CAST: variants seen among roughly 807,000 people sequenced by gnomAD.
The protein encoded by CAST is calpastatin.
A neutral mutation model predicts 119.6 loss-of-function variants in CAST; 76 were observed. The ratio of observed to expected loss-of-function variants is 0.64; its 90% CI spans 0.53 to 0.77. CAST has a LOEUF of 0.77. CAST is among the 30% of genes least tolerant of loss of function. The probability of loss-of-function intolerance (pLI) is 0.00; values close to 1 mark genes in which losing one functional copy is unlikely to be tolerated. For missense variants in CAST, 953 were observed against 946.5 expected (o/e 1.01, Z -0.09); for synonymous variants, 319 against 331.6 (o/e 0.96, Z 0.41).
chr5:96,222,053 C>T, the CAST span, among the ~76,000 whole-genome samples: 4 of 152,032 alleles, frequency 2.6e-5, no homozygotes, highest in Admixed American at 1.3e-4. Flanking sequence ...ATTAGATATC[C>T]ATATGCAGAA....
At chr5:96,698,166 C>T (rs62364719) in intron 3 of CAST, among the ~76,000 whole-genome samples, 40,688 of 152,004 alleles carry the variant, frequency 0.27, 6,230 homozygotes, top group Non-Finnish European at 0.36. Context: ...TTTTCTTGAA[C>T]GTAATCATAA....
intron 7 of CAST, 128 bp downstream of exon 7, chr5:96,729,337 G>C (rs1430655731): frequency 1.6e-6 from 1 of 635,860 alleles, no homozygotes; most frequent in African/African-American, 1.9e-5. Context: ...CAGCTAAAAT[G>C]GTGCCATCCT....
At chr5:96,354,440 G>A in the CAST span, among the ~76,000 whole-genome samples, 951 of 152,026 alleles carry the variant, frequency 6.3e-3, 16 homozygotes, top group African/African-American at 0.021. Flanking sequence ...GGTATTGACC[G>A]CATTTCATTA....
the CAST span, among the ~76,000 whole-genome samples, chr5:96,103,152 C>T: frequency 2.6e-5 from 4 of 152,042 alleles, no homozygotes; most frequent in Non-Finnish European, 5.9e-5. Context: ...GAAATATTTT[C>T]AGATATGTTA....
At chr5:96,436,562 CT>C in the CAST span, among the ~76,000 whole-genome samples, 1 of 152,034 alleles carries the variant, frequency 6.6e-6, no homozygotes, top group African/African-American at 2.4e-5. Flanking sequence ...GTCAATGAAA[CT>C]TTTTTGCAAA....
intron 3 of CAST, among the ~76,000 whole-genome samples, chr5:96,711,465 T>C: frequency 6.6e-6 from 1 of 152,124 alleles, no homozygotes; most frequent in East Asian, 1.9e-4. Context: ...AACAAATAAA[T>C]TTAACATTTA....
chr5:96,743,725 A>C (rs749213529), intron 16 of CAST: 3 of 1,606,914 alleles, frequency 1.9e-6, no homozygotes, highest in Non-Finnish European at 2.6e-6. Context: ...CAAGAGAAGC[A>C]GTTCGTATCT....
the CAST span, among the ~76,000 whole-genome samples, chr5:96,384,044 G>A: frequency 2.4e-4 from 37 of 152,214 alleles, 1 homozygote; most frequent in East Asian, 5.6e-3. Context: ...ATGGATACTG[G>A]ATATGGGAAG....
the CAST span, among the ~76,000 whole-genome samples, chr5:96,085,808 C>T: frequency 6.6e-6 from 1 of 152,148 alleles, no homozygotes; most frequent in Admixed American, 6.5e-5. Flanking sequence ...GATCAGCTAC[C>T]GACTTTTTAG....
chr5:96,224,368 C>T, the CAST span, among the ~76,000 whole-genome samples: 1 of 152,020 alleles, frequency 6.6e-6, no homozygotes, highest in Non-Finnish European at 1.5e-5. Flanking sequence ...TAAATATTAC[C>T]TTTTAAGGAA....
chr5:96,491,899 A>T, the CAST span, among the ~76,000 whole-genome samples: 2 of 152,254 alleles, frequency 1.3e-5, no homozygotes, highest in African/African-American at 4.8e-5. Flanking sequence ...CCTTGTACAT[A>T]GTATACGATT....
chr5:96,718,916 T>TCCGAGCCAAGCC (rs1433844468), intron 3 of CAST, among the ~76,000 whole-genome samples: 1 of 152,018 alleles, frequency 6.6e-6, no homozygotes, highest in Non-Finnish European at 1.5e-5. Flanking sequence ...TGTGCCAAGT[T>TCCGAGCCAAGCC]CCGAGCCAAG....
chr5:96,508,155 C>G, the CAST span, among the ~76,000 whole-genome samples: 1 of 152,016 alleles, frequency 6.6e-6, no homozygotes, highest in Non-Finnish European at 1.5e-5. Flanking sequence ...GTCATTACAC[C>G]TGGTGTGTTT....
the CAST span, among the ~76,000 whole-genome samples, chr5:96,046,220 A>G: frequency 6.6e-6 from 1 of 152,116 alleles, no homozygotes; most frequent in African/African-American, 2.4e-5. Flanking sequence ...GTTGTATTTT[A>G]TAAGGATATA....
the CAST span, among the ~76,000 whole-genome samples, chr5:96,204,162 A>C: frequency 6.6e-6 from 1 of 152,004 alleles, no homozygotes; most frequent in Non-Finnish European, 1.5e-5. Flanking sequence ...ATTTCCTCTT[A>C]ATACCCAAGT....
At chr5:96,631,913 A>G (rs1299444366) in intron 1 of CAST, among the ~76,000 whole-genome samples, 2 of 152,146 alleles carry the variant, frequency 1.3e-5, no homozygotes, top group Non-Finnish European at 2.9e-5. Context: ...CTTTTTGAGG[A>G]ACAGCCAAGC....
At chr5:96,439,635 A>G in the CAST span, among the ~76,000 whole-genome samples, 1 of 152,192 alleles carries the variant, frequency 6.6e-6, no homozygotes, top group Non-Finnish European at 1.5e-5. Flanking sequence ...CCCCAGAGAC[A>G]TCAGGCACAG....
chr5:96,360,529 T>C, the CAST span, among the ~76,000 whole-genome samples: 1 of 152,210 alleles, frequency 6.6e-6, no homozygotes, highest in Admixed American at 6.5e-5. Flanking sequence ...GACGTCCTTT[T>C]TGTTGATGTG....
At chr5:96,080,799 A>G in the CAST span, among the ~76,000 whole-genome samples, 23 of 152,240 alleles carry the variant, frequency 1.5e-4, no homozygotes, top group African/African-American at 4.6e-4. Context: ...GATTCACCCT[A>G]GGAGACTCAA....
Sources: allele counts gnomAD v4.1 joint callset (sites outside exome capture counted in the v4.1 genomes callset), GRCh38; gene constraint gnomAD v4.1.1; transcripts MANE v1.5; gene names NCBI Gene and HGNC (gene_info 2026-07-23, HGNC 2026-07-21).